The following RSRP1 variants were observed in gnomAD, a reference collection of about 807,000 sequenced individuals.
The protein encoded by RSRP1 is arginine/serine-rich protein 1.
RSRP1 carries 37 observed loss-of-function variants against 33.0 expected under a neutral mutation model. The ratio of observed to expected loss-of-function variants is 1.12; its 90% CI spans 0.86 to 1.48. RSRP1 has a LOEUF of 1.48. Among genes scored for constraint, RSRP1 ranks in the 40% most tolerant of loss-of-function variants. The pLI is 0.00. For synonymous variants in RSRP1, 167 were observed against 158.7 expected (o/e 1.05, Z -0.40); for missense variants, 402 against 385.3 (o/e 1.04, Z -0.36).
intron 1 of RSRP1, chr1:25,253,103 T>C (rs1388359786): frequency 1.3e-5 from 2 of 152,060 alleles, no homozygotes; most frequent in Non-Finnish European, 2.9e-5. Context: ...AGAAGGGGTT[T>C]CACCATGTTG....
At chr1:25,243,711 T>C (rs928172812) in intron 3 of RSRP1, 78 bp from the exon 4 acceptor site, 42 of 1,558,438 alleles carry the variant, frequency 2.7e-5, no homozygotes, top group East Asian at 9.2e-5. Flanking sequence ...AATAGCCTAA[T>C]TGTAAACAAA....
In RSRP1 at chr1:25,292,369, G is replaced by A. The variant is rs532238684; in HGVS notation, c.-66-45340C>T. On this transcript the variant is annotated intron_variant, in intron 1 of 1. Transcript: ENST00000561867. ...AGAGGAAGCAGGTGGAGACCAGAGCGGCAGTGATTGCCATCATCCAGACTC... is the reference window on the plus strand; with the variant it reads ...AGAGGAAGCAGGTGGAGACCAGAGCAGCAGTGATTGCCATCATCCAGACTC... Among the ~76,000 whole-genome samples the A allele has an allele frequency of 2.3e-4, 31 of 132,604 alleles. 4 individuals are homozygous for A. The South Asian group carries it at 4.2e-3, about 18-fold the overall frequency. The allele number at this position is 132,604 out of a possible 152,430, so 87.0% of individuals were successfully genotyped here.
intron 1 of RSRP1, among the ~76,000 whole-genome samples, chr1:25,331,540 A>G (rs1645006023): frequency 7.9e-6 from 1 of 125,942 alleles, no homozygotes; most frequent in African/African-American, 2.7e-5. Context: ...AGTATCACAA[A>G]GACTTTGCTC....
At chr1:25,272,417 C>T in intron 1 of RSRP1, 1 of 1,257,088 alleles carries the variant, frequency 8.0e-7, no homozygotes, top group Non-Finnish European at 1.1e-6. Context: ...GCCAGCACAA[C>T]CAGCCTTGCA....
chr1:25,270,730 A>T (rs569874780), intron 1 of RSRP1, among the ~76,000 whole-genome samples: 2 of 132,474 alleles, frequency 1.5e-5, no homozygotes, highest in African/African-American at 5.1e-5. Context: ...TGTGACCTTG[A>T]GCAAGTCACT....
At chr1:25,256,103 C>T (rs968328432) in intron 1 of RSRP1, among the ~76,000 whole-genome samples, 41 of 151,674 alleles carry the variant, frequency 2.7e-4, no homozygotes, top group African/African-American at 9.4e-4. Context: ...TTTCGTTAAA[C>T]GCTATTAATG....
At chr1:25,267,997 G>C (rs530722570) in intron 1 of RSRP1, 1 of 133,768 alleles carries the variant, frequency 7.5e-6, no homozygotes, top group Non-Finnish European at 1.8e-5. Flanking sequence ...CTGAGCCGCG[G>C]GGGTGGTACT....
chr1:25,250,784 G>A (rs2124551088), upstream of RSRP1, among the ~76,000 whole-genome samples: 2 of 152,284 alleles, frequency 1.3e-5, no homozygotes, highest in South Asian at 4.1e-4. Flanking sequence ...GCCAAGGCAG[G>A]CGGATCACCA....
intron 1 of RSRP1, chr1:25,306,971 G>T (rs373088752): frequency 2.2e-6 from 1 of 456,324 alleles, no homozygotes; most frequent in South Asian, 1.8e-5. Context: ...CCAAAGACAC[G>T]AAATCTTTTG....
At chr1:25,301,402 A>G in intron 1 of RSRP1, 2 of 986,874 alleles carry the variant, frequency 2.0e-6, no homozygotes, top group East Asian at 2.3e-5. Flanking sequence ...TTCCCCATCT[A>G]ACTCTAAGTG....
intron 3 of RSRP1, chr1:25,244,650 G>A (rs1557482770): frequency 1.6e-6 from 2 of 1,225,956 alleles, no homozygotes; most frequent in Non-Finnish European, 2.1e-6. Flanking sequence ...GCTAATAACG[G>A]TGTTATAAGA....
At chr1:25,250,736 C>T (rs1639751469), upstream of RSRP1, among the ~76,000 whole-genome samples, 1 of 152,096 alleles carries the variant, frequency 6.6e-6, no homozygotes, top group Admixed American at 6.5e-5. Flanking sequence ...GCGGGCCAGG[C>T]GCGGTGGCTC....
chr1:25,283,901 C>T (rs187284043), intron 1 of RSRP1, among the ~76,000 whole-genome samples: 2 of 134,248 alleles, frequency 1.5e-5, no homozygotes, highest in East Asian at 3.9e-4. Context: ...CCCCTCCCTG[C>T]CCTCAGGTGC....
At chr1:25,312,263 A>T (rs2124039556) in intron 1 of RSRP1, among the ~76,000 whole-genome samples, 1 of 98,758 alleles carries the variant, frequency 1.0e-5, no homozygotes, top group Admixed American at 9.9e-5. Context: ...TTCCTTTTAG[A>T]ATGGGAATGT....
At position 25,262,500 on chromosome 1, in the gene RSRP1, T is replaced by C. The variant is rs188926029; in HGVS notation, c.-66-15471A>G. Among the ~76,000 whole-genome samples the C allele has an allele frequency of 1.4e-4, 22 of 152,200 alleles. No individual in the cohort carries two copies. In the East Asian group the frequency reaches 3.1e-3, roughly 21 times the overall value. The stretch of plus-strand genomic sequence containing the variant: ...AAAGAGACACAGCCAATCGGATACA[T>C]AGATATATAAAAGAGGGTTTATGAG... On this transcript the variant is annotated intron_variant, in intron 1 of 1. Transcript: ENST00000561867.
chr1:25,333,178 C>T (rs960974486), intron 1 of RSRP1, among the ~76,000 whole-genome samples: 1 of 132,030 alleles, frequency 7.6e-6, no homozygotes, highest in Admixed American at 7.4e-5. Flanking sequence ...ACGTTGAGGG[C>T]GGATGGTTCC....
rs1182769978 is a variant in RSRP1 at position 25,332,567 on chromosome 1, T to C, written c.-67+5411A>G. Among the ~76,000 whole-genome samples the C allele has an allele frequency of 2.3e-5, 3 of 131,684 alleles. 1 individual carries two copies. Among genetic ancestry groups the C allele is most frequent in the African/African-American group, 7.8e-5 (3 of 38,610 alleles). 86.4% of individuals were successfully genotyped at this position (131,684 alleles called of 152,430 possible). A position where few individuals can be genotyped will look rare whatever the true frequency, so the allele number is the denominator to read the frequency against. On this transcript the variant is annotated intron_variant, in intron 1 of 1. Transcript: ENST00000561867. ...ATCTTGGAGTTCAGGAGTCCCACACTGCGAACCATATTACCTAATAATCCA... is the reference window on the plus strand; with the variant it reads ...ATCTTGGAGTTCAGGAGTCCCACACCGCGAACCATATTACCTAATAATCCA...
At position 25,298,871 on chromosome 1, in the gene RSRP1, A is replaced by G. The variant is rs1381367134; in HGVS notation, c.-67+39107T>C. Among the ~76,000 whole-genome samples, 2 of 128,832 alleles carry G rather than the reference A, an allele frequency of 1.6e-5. 1 individual carries two copies. Among genetic ancestry groups the G allele is most frequent in the Non-Finnish European group, 3.6e-5 (2 of 54,876 alleles). 84.5% of individuals were successfully genotyped at this position (128,832 alleles called of 152,430 possible). On this transcript the variant is annotated intron_variant, in intron 1 of 1. Coordinates refer to the RSRP1 transcript ENST00000561867. ...ATGAAATGGAGAAAAGAAACACGAA[A>G]AGTTGGGGAGAGAGGATAACTGTTT... is the stretch of plus-strand genomic sequence containing the variant.
rs1410635648 is a variant in RSRP1, at chr1:25,278,752, T to C, written c.-66-31723A>G. On this transcript the variant is annotated intron_variant, in intron 1 of 1. Transcript: ENST00000561867. The stretch of plus-strand genomic sequence containing the variant: ...GGGGCTACTAGAAGACAGAGGAGTT[T>C]TCCCAGTGACATGTAAACACTCCAA... Among the ~76,000 whole-genome samples, 4 of 131,536 alleles carry C rather than the reference T, an allele frequency of 3.0e-5. 1 individual carries two copies. Among genetic ancestry groups the C allele is most frequent in the South Asian group, 4.7e-4 (2 of 4,288 alleles). The allele number at this position is 131,536 out of a possible 152,430, so 86.3% of individuals were successfully genotyped here.
Sources: gnomAD v4.1 joint callset for allele counts (sites outside exome capture counted in the v4.1 genomes callset) on GRCh38, gnomAD v4.1.1 for gene constraint, MANE v1.5 for transcripts, NCBI Gene and HGNC (gene_info 2026-07-23, HGNC 2026-07-21) for gene names.